Variants in HPCAL1 observed in about 807,000 individuals in gnomAD.
The protein encoded by HPCAL1 is hippocalcin like 1, also known as hippocalcin-like protein 1.
In HPCAL1, 8 loss-of-function variants were observed where a neutral mutation model predicts 17.1. The observed-to-expected ratio is 0.47, with a 90% CI of 0.27 to 0.84. HPCAL1 has a LOEUF of 0.84. HPCAL1 is among the 40% of genes least tolerant of loss of function. HPCAL1 has a pLI of 0.13. For synonymous variants in HPCAL1, 112 were observed against 111.4 expected (o/e 1.01, Z -0.03); for missense variants, 165 against 271.1 (o/e 0.61, Z 2.75).
chr2:10,399,226 C>G (rs867465930), intron 2 of HPCAL1, among the ~76,000 whole-genome samples: 1 of 78,362 alleles, frequency 1.3e-5, no homozygotes, highest in Non-Finnish European at 2.9e-5. Context: ...ACCACCACCA[C>G]CACCACCACC....
rs7600627 is a variant in HPCAL1 at position 10,403,454 on chromosome 2, T to G, written c.-25+6534T>G. Among the ~76,000 whole-genome samples the G allele has an allele frequency of 2.6e-3, 169 of 65,054 alleles. 20 individuals are homozygous for G. Among genetic ancestry groups the G allele is most frequent in the African/African-American group, 0.016 (84 of 5,272 alleles). The allele number at this position is 65,054 out of a possible 152,430, so 42.7% of individuals were successfully genotyped here. On this transcript the variant is annotated intron_variant, in intron 2 of 4. Coordinates refer to ENST00000307845, the MANE Select transcript of HPCAL1 (RefSeq NM_002149.4). ...GATGCCCTCATAACAAAGAGTTCTT[T>G]TGTGTGTGTGTGTGTGTGTGTGTGT...
chr2:10,341,920 G>T (rs1665112098), intron 1 of HPCAL1, among the ~76,000 whole-genome samples: 1 of 152,146 alleles, frequency 6.6e-6, no homozygotes. Context: ...CACTTTAGGA[G>T]GCTAAAGTGG....
In HPCAL1 at chr2:10,385,909, G is replaced by A. The variant is rs116146479; in HGVS notation, c.-110-10926G>A. 8.1e-4 allele frequency among the ~76,000 whole-genome samples: 124 copies of A among 152,204 alleles called. 1 individual carries two copies. Among genetic ancestry groups the A allele is most frequent in the African/African-American group, 2.3e-3 (94 of 41,516 alleles). ...GTCGGCCTCGTGTCGGGGGGTGTCC[G>A]GAGCCTCTCCTCTCTGGGGGCTTTT... On this transcript the variant is annotated intron_variant, in intron 1 of 4. Coordinates refer to ENST00000307845, the MANE Select transcript of HPCAL1 (RefSeq NM_002149.4).
Position 10,354,876 on chromosome 2 carries a change from G to A in HPCAL1, c.-110-41959G>A, listed in dbSNP as rs1262360868. 6.6e-6 allele frequency among the ~76,000 whole-genome samples: 1 copy of A among 152,206 alleles called. No homozygotes were observed. Among genetic ancestry groups the A allele is most frequent in the African/African-American group, 2.4e-5 (1 of 41,450 alleles). On this transcript the variant is annotated intron_variant, in intron 1 of 4. Transcript: ENST00000307845. This position sits in a 1 kb window ranked among gnomAD's most constrained non-coding sequence, Gnocchi z 5.1. The stretch of plus-strand genomic sequence containing the variant: ...ATGCGACGTTTGCTTTGCAAACTGT[G>A]GTCCCCTCCTCATAGATCCTTCAAT...
intron 1 of HPCAL1, among the ~76,000 whole-genome samples, chr2:10,380,436 G>T (rs1436796886): frequency 1.3e-5 from 2 of 152,162 alleles, no homozygotes; most frequent in African/African-American, 4.8e-5. Flanking sequence ...AGCCAGACCA[G>T]TCTGCTGGGA....
At chr2:10,388,368 G>T (rs2125556178) in intron 1 of HPCAL1, among the ~76,000 whole-genome samples, 1 of 152,348 alleles carries the variant, frequency 6.6e-6, no homozygotes, top group South Asian at 2.1e-4. Flanking sequence ...GGTGAGGGTG[G>T]CAGTGACTGG....
In HPCAL1 at chr2:10,419,481, T is replaced by TC. The variant is rs1040454728; in HGVS notation, c.-24-246dup. 5.3e-5 allele frequency among the ~76,000 whole-genome samples: 8 copies of TC among 151,396 alleles called. No individual in the cohort carries two copies. Among genetic ancestry groups the TC allele is most frequent in the Admixed American group, 1.3e-4 (2 of 15,168 alleles). Reference sequence around the variant, plus strand: ...GTTCCACTGATTTTAAGTTGCATTTTCCCCCCCGCATTTCCACATTCTCCA... The same window carrying TC: ...GTTCCACTGATTTTAAGTTGCATTTTCCCCCCCCGCATTTCCACATTCTCCA... On this transcript the variant is annotated intron_variant, in intron 2 of 4. Transcript: ENST00000307845. The surrounding 1 kb of genome is among the most constrained non-coding windows in gnomAD (Gnocchi z 5.0).
intron 1 of HPCAL1, among the ~76,000 whole-genome samples, chr2:10,345,911 C>T (rs1473734099): frequency 6.6e-6 from 1 of 152,174 alleles, no homozygotes; most frequent in East Asian, 1.9e-4. Flanking sequence ...GAACTTTTGC[C>T]GTATTTTGGA....
At chr2:10,321,789 GTA>G (rs1663685863) in intron 1 of HPCAL1, among the ~76,000 whole-genome samples, 1 of 152,202 alleles carries the variant, frequency 6.6e-6, no homozygotes, top group Admixed American at 6.5e-5. Flanking sequence ...TGCTGCGTGT[GTA>G]TCTGTACTGC....
At chr2:10,309,404 A>G (rs1662817600) in intron 1 of HPCAL1, among the ~76,000 whole-genome samples, 1 of 152,258 alleles carries the variant, frequency 6.6e-6, no homozygotes, top group African/African-American at 2.4e-5. Context: ...GCATCAGCAG[A>G]AAGTAGAAGG....
At chr2:10,400,648 G>A (rs1216717533) in intron 2 of HPCAL1, among the ~76,000 whole-genome samples, 2 of 152,206 alleles carry the variant, frequency 1.3e-5, no homozygotes, top group African/African-American at 4.8e-5. Flanking sequence ...GACTTGGGAT[G>A]ACTTGGCAGT....
intron 1 of HPCAL1, among the ~76,000 whole-genome samples, chr2:10,312,914 C>A (rs1266865646): frequency 6.6e-6 from 1 of 152,178 alleles, no homozygotes; most frequent in Non-Finnish European, 1.5e-5. Flanking sequence ...TCATCACTGT[C>A]ACCACCATCA....
At chr2:10,378,223 GTTTTTTTTTTT>G (rs58697364) in intron 1 of HPCAL1, among the ~76,000 whole-genome samples, 1 of 96,254 alleles carries the variant, frequency 1.0e-5, no homozygotes, top group African/African-American at 4.2e-5. Context: ...GTGGTTTCAT[GTTTTTTTTTTT>G]TTTTTTTTTT....
At chr2:10,421,684 G>A (rs1484926580) in intron 3 of HPCAL1, among the ~76,000 whole-genome samples, 1 of 152,184 alleles carries the variant, frequency 6.6e-6, no homozygotes, top group East Asian at 1.9e-4. Flanking sequence ...CTGGGTGACA[G>A]AGTGAGACCC....
At chr2:10,387,682 G>A (rs950778163) in intron 1 of HPCAL1, among the ~76,000 whole-genome samples, 5 of 152,208 alleles carry the variant, frequency 3.3e-5, no homozygotes, top group African/African-American at 1.2e-4. Flanking sequence ...TGACCAACAG[G>A]TGAAAGGTGA....
At chr2:10,422,266 G>A (rs1292252192) in intron 3 of HPCAL1, among the ~76,000 whole-genome samples, 1 of 152,204 alleles carries the variant, frequency 6.6e-6, no homozygotes, top group East Asian at 1.9e-4. Context: ...CTGTTGTCAG[G>A]AATGAGAATA....
At chr2:10,338,304 T>C (rs1170753178) in intron 1 of HPCAL1, among the ~76,000 whole-genome samples, 1 of 152,046 alleles carries the variant, frequency 6.6e-6, no homozygotes, top group African/African-American at 2.4e-5. Context: ...AATCACTGAA[T>C]CGTACCCCTT....
chr2:10,328,157 T>C (rs1227061846), intron 1 of HPCAL1, among the ~76,000 whole-genome samples: 1 of 152,150 alleles, frequency 6.6e-6, no homozygotes, highest in African/African-American at 2.4e-5. Flanking sequence ...CCCCAGGAAC[T>C]CTCTGCAATA....
At chr2:10,348,444 A>G (rs1039762858) in intron 1 of HPCAL1, among the ~76,000 whole-genome samples, 1 of 150,914 alleles carries the variant, frequency 6.6e-6, no homozygotes, top group Admixed American at 6.6e-5. Context: ...GCAAGACTCC[A>G]TCTCAAAAAA....
Sources: gnomAD v4.1 joint callset for allele counts (sites outside exome capture counted in the v4.1 genomes callset) on GRCh38, gnomAD v4.1.1 for gene constraint, Gnocchi (gnomAD v3.1) non-coding constraint, MANE v1.5 for transcripts, NCBI Gene and HGNC (gene_info 2026-07-23, HGNC 2026-07-21) for gene names.